LTBP1: variants seen among roughly 807,000 people sequenced by gnomAD.
LTBP1 encodes latent transforming growth factor beta binding protein 1.
LTBP1 carries 129 observed loss-of-function variants against 207.6 expected under a neutral mutation model. That is an observed-to-expected ratio of 0.62 (90% CI 0.54 to 0.72). The LOEUF (loss-of-function observed/expected upper bound fraction) is 0.72. Ranked by LOEUF, LTBP1 falls within the 30% of genes least tolerant of loss-of-function variation. LTBP1 has a pLI of 0.00. For synonymous variants in LTBP1, 963 were observed against 833.7 expected (o/e 1.16, Z -2.67); for missense variants, 2,281 against 2,217.2 (o/e 1.03, Z -0.58).
At chr2:33,072,147 C>A (rs1287544704) in intron 3 of LTBP1, among the ~76,000 whole-genome samples, 1 of 152,122 alleles carries the variant, frequency 6.6e-6, no homozygotes, top group African/African-American at 2.4e-5. Flanking sequence ...TTTGCTAGAG[C>A]GGCTCACAGA....
chr2:32,996,382 C>T (rs1479922476), intron 2 of LTBP1, among the ~76,000 whole-genome samples: 1 of 152,140 alleles, frequency 6.6e-6, no homozygotes, highest in African/African-American at 2.4e-5. Context: ...CCTAATCACC[C>T]TCCAAAGGCC....
chr2:33,081,243 C>T (rs913973726), intron 3 of LTBP1, among the ~76,000 whole-genome samples: 4 of 152,030 alleles, frequency 2.6e-5, no homozygotes, highest in African/African-American at 9.7e-5. Flanking sequence ...GGACCGGCTT[C>T]AGGGGAGAAG....
intron 3 of LTBP1, among the ~76,000 whole-genome samples, chr2:33,102,146 T>A (rs2079775016): frequency 6.6e-6 from 1 of 152,174 alleles, no homozygotes; most frequent in Non-Finnish European, 1.5e-5. Context: ...CCTCATCATC[T>A]CTGTAAACCT....
intron 3 of LTBP1, among the ~76,000 whole-genome samples, chr2:33,060,626 G>A (rs963896140): frequency 2.0e-5 from 3 of 148,014 alleles, no homozygotes; most frequent in Admixed American, 1.4e-4. Flanking sequence ...AATACCGTTC[G>A]TTGTACTGAA....
chr2:33,104,778 C>G (rs2150183307), intron 3 of LTBP1, among the ~76,000 whole-genome samples: 1 of 152,300 alleles, frequency 6.6e-6, no homozygotes, highest in East Asian at 1.9e-4. Flanking sequence ...TCCCTAACCT[C>G]TCCTTAGAGA....
intron 31 of LTBP1, among the ~76,000 whole-genome samples, chr2:33,378,183 A>ATGTGTGTGTGTGTGTGTG (rs1196073958): frequency 9.1e-4 from 124 of 136,422 alleles, no homozygotes; most frequent in Non-Finnish European, 1.2e-3. Flanking sequence ...ATATATATAT[A>ATGTGTGTGTGTGTGTGTG]TATGTGTGTG....
intron 19 of LTBP1, among the ~76,000 whole-genome samples, 177 bp downstream of exon 19, chr2:33,280,335 A>G (rs2093535109): frequency 6.6e-6 from 1 of 152,238 alleles, no homozygotes; most frequent in African/African-American, 2.4e-5. Context: ...ATGACTTAGC[A>G]TAAAGGATGT....
intron 10 of LTBP1, among the ~76,000 whole-genome samples, chr2:33,250,817 G>C (rs2149912377): frequency 6.6e-6 from 1 of 152,200 alleles, no homozygotes; most frequent in East Asian, 1.9e-4. Context: ...CCCACCCAAC[G>C]TACCACTACC....
intron 3 of LTBP1, among the ~76,000 whole-genome samples, chr2:33,042,346 A>G (rs1419465378): frequency 6.6e-6 from 1 of 152,228 alleles, no homozygotes; most frequent in Non-Finnish European, 1.5e-5. Context: ...GAAAACTAAA[A>G]TGGACTTTGA....
intron 22 of LTBP1, among the ~76,000 whole-genome samples, chr2:33,303,114 A>G (rs1300071111): frequency 2.0e-5 from 3 of 152,138 alleles, no homozygotes; most frequent in Non-Finnish European, 4.4e-5. Flanking sequence ...AATGATAATG[A>G]TTCTAGATAG....
chr2:33,390,277 C>A (rs759095429), intron 32 of LTBP1, among the ~76,000 whole-genome samples: 4 of 152,198 alleles, frequency 2.6e-5, no homozygotes, highest in South Asian at 2.1e-4. Context: ...CCCTTTAGAA[C>A]GTAAATGTTG....
chr2:33,171,898 AG>A (rs2085494224), intron 5 of LTBP1, among the ~76,000 whole-genome samples: 2 of 152,234 alleles, frequency 1.3e-5, no homozygotes, highest in African/African-American at 4.8e-5. Flanking sequence ...TTTCATATCC[AG>A]CCAAACTAAG....
chr2:33,120,511 A>G (rs1414521441), intron 4 of LTBP1, among the ~76,000 whole-genome samples: 2 of 152,198 alleles, frequency 1.3e-5, no homozygotes, highest in Non-Finnish European at 2.9e-5. Context: ...TCTGCAGAAG[A>G]CATGATCTCA....
intron 2 of LTBP1, among the ~76,000 whole-genome samples, chr2:33,018,688 AAC>A (rs1006633075): frequency 1.3e-5 from 2 of 152,198 alleles, no homozygotes; most frequent in Non-Finnish European, 2.9e-5. Context: ...GAATTCTAGA[AAC>A]ACAGAGCTTT....
At chr2:33,197,220 A>G (rs896960856) in intron 7 of LTBP1, among the ~76,000 whole-genome samples, 1 of 152,218 alleles carries the variant, frequency 6.6e-6, no homozygotes, top group African/African-American at 2.4e-5. Context: ...ATATAGGGTG[A>G]CAGACAGGAG....
At chr2:32,970,267 A>T (rs1231094822) in intron 2 of LTBP1, among the ~76,000 whole-genome samples, 1 of 152,112 alleles carries the variant, frequency 6.6e-6, no homozygotes, top group East Asian at 1.9e-4. Flanking sequence ...TCTTTAGTTT[A>T]ATTAGGTTCC....
Position 33,341,327 on chromosome 2 carries a change from CT to C in LTBP1, c.3731-1510del, listed in dbSNP as rs546044804. Reference sequence around the variant, plus strand: ...AGCAGGTGGGACCTTGAGGCAGAGACTGGTCAGGGCGGGAGAAGGAGCCCCA... The same window carrying C: ...AGCAGGTGGGACCTTGAGGCAGAGACGGTCAGGGCGGGAGAAGGAGCCCCA... On this transcript the variant is annotated intron_variant, in intron 24 of 33. Coordinates refer to ENST00000404816, the MANE Select transcript of LTBP1 (RefSeq NM_206943.4). Among the ~76,000 whole-genome samples the C allele has an allele frequency of 3.1e-3, 476 of 152,116 alleles. 3 individuals carry two copies. Among genetic ancestry groups the C allele is most frequent in the African/African-American group, 0.011 (457 of 41,500 alleles).
At chr2:33,373,662 TA>T (rs1040463504) in intron 31 of LTBP1, among the ~76,000 whole-genome samples, 1 of 152,192 alleles carries the variant, frequency 6.6e-6, no homozygotes, top group Admixed American at 6.5e-5. Context: ...AAGAGATAAG[TA>T]AATGATCTGA....
At chr2:33,237,932 C>G (rs2092125887) in intron 9 of LTBP1, among the ~76,000 whole-genome samples, 1 of 152,166 alleles carries the variant, frequency 6.6e-6, no homozygotes, top group South Asian at 2.1e-4. Flanking sequence ...GGCTGAAGAT[C>G]TATAGATTAG....
Sources: gnomAD v4.1 joint callset for allele counts (sites outside exome capture counted in the v4.1 genomes callset) on GRCh38, gnomAD v4.1.1 for gene constraint, MANE v1.5 for transcripts, NCBI Gene and HGNC (gene_info 2026-07-23, HGNC 2026-07-21) for gene names.